The following B4GALNT3 variants were observed in gnomAD, a reference collection of about 807,000 sequenced individuals.
The protein encoded by B4GALNT3 is beta-1,4-N-acetyl-galactosaminyltransferase 3.
In B4GALNT3, 86 loss-of-function variants were observed where a neutral mutation model predicts 120.2. That is an observed-to-expected ratio of 0.72 (90% CI 0.60 to 0.86). The LOEUF (loss-of-function observed/expected upper bound fraction) is 0.86. B4GALNT3 is among the 40% of genes least tolerant of loss of function. The pLI, the probability that B4GALNT3 is intolerant of heterozygous loss-of-function variation, is 0.00. For missense variants in B4GALNT3, 1,167 were observed against 1,298.9 expected (o/e 0.90, Z 1.56); for synonymous variants, 518 against 510.4 (o/e 1.01, Z -0.20).
intron 1 of B4GALNT3, among the ~76,000 whole-genome samples, chr12:489,786 C>T (rs1592019464): frequency 6.6e-6 from 1 of 152,196 alleles, no homozygotes; most frequent in East Asian, 1.9e-4. Flanking sequence ...CTATGAACTG[C>T]TTCATCCAGC....
chr12:472,093 A>G (rs1333233165), intron 1 of B4GALNT3, among the ~76,000 whole-genome samples: 6 of 152,344 alleles, frequency 3.9e-5, no homozygotes, highest in African/African-American at 1.4e-4. Flanking sequence ...TTTGAGGAAT[A>G]TAGCATAAGC....
intron 1 of B4GALNT3, among the ~76,000 whole-genome samples, chr12:463,565 A>G (rs1946046178): frequency 6.6e-6 from 1 of 152,152 alleles, no homozygotes; most frequent in Non-Finnish European, 1.5e-5. Context: ...TTAGGAGGAA[A>G]GCTAAGGTGC....
chr12:519,135 C>A (rs1946683528), intron 1 of B4GALNT3, among the ~76,000 whole-genome samples: 1 of 152,240 alleles, frequency 6.6e-6, no homozygotes, highest in Admixed American at 6.5e-5. Flanking sequence ...TGCTGGTGAA[C>A]TCCAGGGAAA....
intron 15 of B4GALNT3, among the ~76,000 whole-genome samples, chr12:557,182 T>C (rs1947167040): frequency 6.6e-6 from 1 of 152,166 alleles, no homozygotes; most frequent in African/African-American, 2.4e-5. Context: ...ACGGGCAGCG[T>C]ACTTAATGAA....
chr12:471,356 A>C (rs896592907), intron 1 of B4GALNT3, among the ~76,000 whole-genome samples: 4 of 148,460 alleles, frequency 2.7e-5, no homozygotes, highest in African/African-American at 1.0e-4. Flanking sequence ...CTGCACTCCA[A>C]CGTGGGTGAC....
At chr12:500,766 G>A (rs1398071239) in intron 1 of B4GALNT3, among the ~76,000 whole-genome samples, 1 of 151,338 alleles carries the variant, frequency 6.6e-6, no homozygotes, top group Non-Finnish European at 1.5e-5. Flanking sequence ...CAAGGCCAGG[G>A]CTGGCATCCA....
chr12:501,835 C>G (rs1946447322), intron 1 of B4GALNT3, among the ~76,000 whole-genome samples: 1 of 152,226 alleles, frequency 6.6e-6, no homozygotes, highest in African/African-American at 2.4e-5. Flanking sequence ...GGGAACCATG[C>G]TGTTCTCTTG....
In B4GALNT3 at chr12:545,573, G is replaced by A. The variant is rs530732686; in HGVS notation, c.639+104G>A. 2.0e-4 allele frequency: 227 copies of A among 1,155,332 alleles called. 3 individuals carry two copies. Among genetic ancestry groups the A allele is most frequent in the South Asian group, 1.3e-3 (88 of 68,760 alleles). The allele number at this position is 1,155,332 out of a possible 1,614,324, so 71.6% of individuals were successfully genotyped here. On this transcript the variant is annotated intron_variant, in intron 6 of 19. Transcript: ENST00000266383. ...TGTTAGCATCTCTGGTGTGACAGCGGGGAAGAAGGGGTGGAAAAGAAGTCT... is the reference window on the plus strand; with the variant it reads ...TGTTAGCATCTCTGGTGTGACAGCGAGGAAGAAGGGGTGGAAAAGAAGTCT...
At chr12:547,781 T>C (rs1947026646) in intron 7 of B4GALNT3, among the ~76,000 whole-genome samples, 1 of 152,190 alleles carries the variant, frequency 6.6e-6, no homozygotes, top group Non-Finnish European at 1.5e-5. Flanking sequence ...TACTGTTCTT[T>C]GGGTTCTTCC....
At position 556,960 on chromosome 12, in the gene B4GALNT3, G is replaced by A. The variant is rs76505739; in HGVS notation, c.2380+94G>A. 656 of 1,321,484 alleles carry A rather than the reference G, an allele frequency of 5.0e-4. 1 individual carries two copies. The African/African-American group carries it at 8.1e-3, about 16-fold the overall frequency. The allele number at this position is 1,321,484 out of a possible 1,614,324, so 81.9% of individuals were successfully genotyped here. A position where few individuals can be genotyped will look rare whatever the true frequency, so the allele number is the denominator to read the frequency against. Reference sequence around the variant, plus strand: ...TGCTTGCACTGATTTGATCCCATAAGCACTTCTGAGAAAGACCACCTTATA... The same window carrying A: ...TGCTTGCACTGATTTGATCCCATAAACACTTCTGAGAAAGACCACCTTATA... On this transcript the variant is annotated intron_variant, in intron 15 of 19. Transcript: ENST00000266383.
intron 1 of B4GALNT3, among the ~76,000 whole-genome samples, chr12:478,250 TAA>T (rs34616848): frequency 2.4e-4 from 21 of 86,882 alleles, no homozygotes; most frequent in Non-Finnish European, 3.5e-4. Context: ...ACTCTGTCTT[TAA>T]AAAAAAAAAA....
At chr12:506,303 C>G (rs1946496285) in intron 1 of B4GALNT3, among the ~76,000 whole-genome samples, 1 of 152,188 alleles carries the variant, frequency 6.6e-6, no homozygotes, top group Admixed American at 6.5e-5. Context: ...CAGGAGGTCA[C>G]TGGGATCACA....
chr12:538,376 G>C (rs912810640), intron 3 of B4GALNT3, among the ~76,000 whole-genome samples: 1 of 151,628 alleles, frequency 6.6e-6, no homozygotes, highest in Non-Finnish European at 1.5e-5. Flanking sequence ...GGGCAACATG[G>C]TGAGACCTTG....
Position 558,004 on chromosome 12 carries a change from C to T in B4GALNT3, c.2535-12C>T, listed in dbSNP as rs759229480. 1 of 1,613,866 alleles carries T rather than the reference C, an allele frequency of 6.2e-7. No individual in the cohort carries two copies. On this transcript the variant is annotated splice_polypyrimidine_tract_variant and intron_variant, in intron 16 of 19. Transcript: ENST00000266383. ...GAGTCCTGATACGCAGCCCTCTCTC[C>T]CCTTCCTGCAGCTACCAGTACGTGA...
intron 3 of B4GALNT3, among the ~76,000 whole-genome samples, chr12:538,283 T>C (rs1946881224): frequency 6.6e-6 from 1 of 152,084 alleles, no homozygotes; most frequent in African/African-American, 2.4e-5. Flanking sequence ...TGGGCTGGGC[T>C]TGGTGGCTCA....
rs1303220633 is a variant in B4GALNT3 at position 460,019 on chromosome 12, C to G, written c.-358C>G. On this transcript the variant is annotated 5_prime_UTR_variant, in exon 1 of 20. Coordinates refer to ENST00000266383, the MANE Select transcript of B4GALNT3 (RefSeq NM_173593.4). This position sits in a 1 kb window ranked among gnomAD's most constrained non-coding sequence, Gnocchi z 8.0. Reference sequence around the variant, plus strand: ...GCGCGGGCGGAGGCAGGCGGGCGGGCGCCGGGGAAGCCTCCTTCTGGGCAG... The same window carrying G: ...GCGCGGGCGGAGGCAGGCGGGCGGGGGCCGGGGAAGCCTCCTTCTGGGCAG... 6.7e-6 allele frequency among the ~76,000 whole-genome samples: 1 copy of G among 150,020 alleles called. No homozygotes were observed. The highest frequency in any genetic ancestry group is 1.5e-5 in the Non-Finnish European group (1 of 67,220).
intron 1 of B4GALNT3, among the ~76,000 whole-genome samples, chr12:469,532 T>C (rs1306234772): frequency 2.0e-5 from 3 of 152,202 alleles, no homozygotes; most frequent in Non-Finnish European, 4.4e-5. Flanking sequence ...ATCCAGCACT[T>C]GCCACCAAAT....
intron 3 of B4GALNT3, among the ~76,000 whole-genome samples, chr12:537,693 T>C (rs1443103955): frequency 6.6e-6 from 1 of 152,186 alleles, no homozygotes; most frequent in Non-Finnish European, 1.5e-5. Context: ...AATTTTAAAT[T>C]TGAGTTTCCT....
chr12:558,504 C>A lies in B4GALNT3; in HGVS notation c.2608-4C>A. 1 of 1,613,834 alleles carries A rather than the reference C, an allele frequency of 6.2e-7. No individual in the cohort carries two copies. Among genetic ancestry groups the A allele is most frequent in the Non-Finnish European group, 8.5e-7 (1 of 1,179,830 alleles). The stretch of plus-strand genomic sequence containing the variant: ...CTGCTGACCCTGCCCACATCTGTCC[C>A]CAGGACCCGCACAGCATCATCTTCC... On this transcript the variant is annotated splice_polypyrimidine_tract_variant and splice_region_variant and intron_variant, in intron 17 of 19. Transcript: ENST00000266383.
Sources: gnomAD v4.1 joint callset for allele counts (sites outside exome capture counted in the v4.1 genomes callset) on GRCh38, gnomAD v4.1.1 for gene constraint, Gnocchi (gnomAD v3.1) non-coding constraint, MANE v1.5 for transcripts, NCBI Gene and HGNC (gene_info 2026-07-23, HGNC 2026-07-21) for gene names.